CTNND2: variants seen among roughly 807,000 people sequenced by gnomAD.
CTNND2 encodes the protein catenin delta 2, also known as catenin delta-2.
Under a neutral mutation model 144.4 loss-of-function variants are expected in CTNND2, and 22 were observed. The ratio of observed to expected loss-of-function variants is 0.15; its 90% CI spans 0.11 to 0.22. The LOEUF is 0.22. Ranked by LOEUF, CTNND2 falls within the 10% of genes least tolerant of loss-of-function variation. CTNND2 has a pLI of 1.00. For synonymous variants in CTNND2, 751 were observed against 695.6 expected, an observed-to-expected ratio of 1.08 and a Z score of -1.25; for missense variants, 1,353 against 1,618.8, an observed-to-expected ratio of 0.84 and a Z score of 2.82.
intron 3 of CTNND2, among the ~76,000 whole-genome samples, chr5:11,481,675 GAGAC>G (rs1768281128): frequency 6.6e-6 from 1 of 152,074 alleles, no homozygotes; most frequent in African/African-American, 2.4e-5. Flanking sequence ...CAGAAAGAGA[GAGAC>G]AGAGAGAGAG....
chr5:11,674,641 C>T (rs1392603991), intron 2 of CTNND2, among the ~76,000 whole-genome samples: 5 of 152,120 alleles, frequency 3.3e-5, no homozygotes, highest in Non-Finnish European at 5.9e-5. Context: ...ATTTCTGTAG[C>T]GTTAGAGTTG....
At chr5:11,720,312 T>C (rs1786597559) in intron 2 of CTNND2, among the ~76,000 whole-genome samples, 1 of 152,172 alleles carries the variant, frequency 6.6e-6, no homozygotes, top group Non-Finnish European at 1.5e-5. Context: ...ATTTGTTCCT[T>C]CCAAATATAT....
chr5:11,531,814 C>G (rs1422522336), intron 3 of CTNND2, among the ~76,000 whole-genome samples: 1 of 152,176 alleles, frequency 6.6e-6, no homozygotes, highest in Admixed American at 6.5e-5. Flanking sequence ...AAGTGATATG[C>G]TGCACATAGA....
At chr5:11,509,474 C>CA (rs1270405752) in intron 3 of CTNND2, among the ~76,000 whole-genome samples, 5 of 150,826 alleles carry the variant, frequency 3.3e-5, no homozygotes, top group South Asian at 2.1e-4. Context: ...GCAAAAAAGG[C>CA]AAAAAAACTG....
chr5:11,364,644 G>T, intron 8 of CTNND2, 52 bp downstream of exon 8: 1 of 1,474,724 alleles, frequency 6.8e-7, no homozygotes, highest in Non-Finnish European at 9.1e-7. Flanking sequence ...AAGCTCCCGC[G>T]CAGAGCCCAC....
chr5:11,739,489 A>C (rs1297754505), intron 1 of CTNND2, among the ~76,000 whole-genome samples: 1 of 152,164 alleles, frequency 6.6e-6, no homozygotes, highest in Non-Finnish European at 1.5e-5. Flanking sequence ...TGTGCTGCTG[A>C]CATCTGGGCA....
intron 9 of CTNND2, among the ~76,000 whole-genome samples, chr5:11,290,596 G>A (rs1164246638): frequency 1.3e-5 from 2 of 152,116 alleles, no homozygotes; most frequent in African/African-American, 2.4e-5. Flanking sequence ...GATCCTGAAT[G>A]CAACTATAAT....
intron 2 of CTNND2, among the ~76,000 whole-genome samples, chr5:11,665,701 T>C (rs963174808): frequency 6.6e-5 from 10 of 152,278 alleles, no homozygotes; most frequent in African/African-American, 1.9e-4. Flanking sequence ...ATCTTAATAT[T>C]GATGTGAAAC....
At chr5:11,416,665 CT>C in intron 3 of CTNND2, among the ~76,000 whole-genome samples, 1 of 152,256 alleles carries the variant, frequency 6.6e-6, no homozygotes, top group African/African-American at 2.4e-5. Flanking sequence ...CACAGACACA[CT>C]CATATCAGGT....
chr5:11,116,635 G>A (rs1457366986), intron 13 of CTNND2, among the ~76,000 whole-genome samples: 2 of 152,186 alleles, frequency 1.3e-5, no homozygotes, highest in East Asian at 3.8e-4. Flanking sequence ...AGACTTTGCT[G>A]ATTTATTTTG....
At chr5:11,055,212 TG>T (rs1166191377) in intron 16 of CTNND2, among the ~76,000 whole-genome samples, 1 of 152,236 alleles carries the variant, frequency 6.6e-6, no homozygotes, top group African/African-American at 2.4e-5. Flanking sequence ...ACAAGTTGTG[TG>T]GAAGTCTTAA....
At chr5:11,864,883 C>CT (rs59068101) in intron 1 of CTNND2, among the ~76,000 whole-genome samples, 18 of 56,746 alleles carry the variant, frequency 3.2e-4, no homozygotes, top group African/African-American at 1.2e-3. Flanking sequence ...CTTCTTCTTC[C>CT]TTTTTTTTTT....
intron 16 of CTNND2, among the ~76,000 whole-genome samples, chr5:11,045,805 T>TG (rs1372586768): frequency 6.6e-6 from 1 of 152,156 alleles, no homozygotes; most frequent in Admixed American, 6.5e-5. Context: ...GACAGATTTT[T>TG]GGGGGGCCAC....
intron 1 of CTNND2, among the ~76,000 whole-genome samples, chr5:11,858,482 C>T (rs1482114648): frequency 6.6e-6 from 1 of 152,174 alleles, no homozygotes; most frequent in East Asian, 1.9e-4. Context: ...CAATATCTGT[C>T]CTATTCCTTG....
chr5:11,901,629 TTAAA>T lies in CTNND2; in HGVS notation c.37+2184_37+2187del, dbSNP rs1313229559. On this transcript the variant is annotated intron_variant, in intron 1 of 21. Transcript: ENST00000304623. The stretch of plus-strand genomic sequence containing the variant: ...TACAACTACACAAACGTACACCAAA[TTAAA>T]TAACTCCTTTCCGCAAGACTATGAC... Among the ~76,000 whole-genome samples, 13 of 152,238 alleles carry T rather than the reference TTAAA, an allele frequency of 8.5e-5. No individual in the cohort carries two copies. In the East Asian group the frequency reaches 2.5e-3, roughly 29 times the overall value.
At chr5:11,578,326 A>G (rs1414837131) in intron 2 of CTNND2, among the ~76,000 whole-genome samples, 1 of 152,176 alleles carries the variant, frequency 6.6e-6, no homozygotes, top group African/African-American at 2.4e-5. Flanking sequence ...ACAATGACCC[A>G]ATGATTGATT....
Position 11,184,716 on chromosome 5 carries a change from A to G in CTNND2, c.1975+14732T>C, listed in dbSNP as rs551947165. Among the ~76,000 whole-genome samples, 4 of 152,300 alleles carry G rather than the reference A, an allele frequency of 2.6e-5. No individual in the cohort carries two copies. In the East Asian group the frequency reaches 7.7e-4, roughly 29 times the overall value. ...TCTGTGGAATTATTTTGTCTCATCA[A>G]CGAGGACACAGCTGACTCTGGGTGT... On this transcript the variant is annotated intron_variant, in intron 11 of 21. Coordinates refer to ENST00000304623, the MANE Select transcript of CTNND2 (RefSeq NM_001332.4).
chr5:11,420,284 C>T (rs553675145), intron 3 of CTNND2, among the ~76,000 whole-genome samples: 37 of 152,232 alleles, frequency 2.4e-4, no homozygotes, highest in African/African-American at 8.7e-4. Flanking sequence ...GATGGCACCA[C>T]TGCATTCCAG....
At chr5:11,699,834 A>T (rs998488437) in intron 2 of CTNND2, among the ~76,000 whole-genome samples, 1 of 152,248 alleles carries the variant, frequency 6.6e-6, no homozygotes, top group Non-Finnish European at 1.5e-5. Flanking sequence ...GAAATTATAA[A>T]GGTAAGCATG....
Sources: gnomAD v4.1 joint callset for allele counts (sites outside exome capture counted in the v4.1 genomes callset) on GRCh38, gnomAD v4.1.1 for gene constraint, MANE v1.5 for transcripts, NCBI Gene and HGNC (gene_info 2026-07-23, HGNC 2026-07-21) for gene names.